ALDH18A1: variants seen among roughly 807,000 people sequenced by gnomAD.
ALDH18A1 encodes the protein aldehyde dehydrogenase 18 family member A1.
Under a neutral mutation model 88.8 loss-of-function variants are expected in ALDH18A1, and 44 were observed. The ratio of observed to expected loss-of-function variants is 0.50; its 90% CI spans 0.39 to 0.64. The LOEUF (loss-of-function observed/expected upper bound fraction) is 0.64, where lower values mean the gene tolerates loss of function less well. ALDH18A1 is among the 30% of genes least tolerant of loss of function. The probability of loss-of-function intolerance (pLI) is 0.00; values close to 1 mark genes in which losing one functional copy is unlikely to be tolerated. For synonymous variants in ALDH18A1, 331 were observed against 372.1 expected (o/e 0.89, Z 1.27); for missense variants, 782 against 1,009.5 (o/e 0.77, Z 3.05).
At chr10:95,626,968 C>A (rs928783333) in intron 9 of ALDH18A1, among the ~76,000 whole-genome samples, 192 bp from the exon 10 acceptor site, 1 of 152,174 alleles carries the variant, frequency 6.6e-6, no homozygotes, top group African/African-American at 2.4e-5. Context: ...GTGCCAGATT[C>A]ACTCAGGTAT....
chr10:95,650,538 T>C (rs2139662098), intron 2 of ALDH18A1, among the ~76,000 whole-genome samples: 1 of 152,322 alleles, frequency 6.6e-6, no homozygotes, highest in East Asian at 1.9e-4. Context: ...GACATGGTTG[T>C]TAAAAAGAGC....
chr10:95,609,442 G>A lies in ALDH18A1; in HGVS notation c.2206+755C>T, dbSNP rs894328597. Reference sequence around the variant, plus strand: ...GGCAACCTGGCTGTGCCATTTTGACGAAATAAGTCTGTAAAAGGAGTGCTC... The same window carrying A: ...GGCAACCTGGCTGTGCCATTTTGACAAAATAAGTCTGTAAAAGGAGTGCTC... On this transcript the variant is annotated intron_variant, in intron 17 of 17. Transcript: ENST00000371224. Among the ~76,000 whole-genome samples, 13 of 152,322 alleles carry A rather than the reference G, an allele frequency of 8.5e-5. No homozygotes were observed. In the South Asian group the frequency reaches 1.9e-3, roughly 22 times the overall value.
At chr10:95,650,483 C>T (rs983918889) in intron 2 of ALDH18A1, among the ~76,000 whole-genome samples, 1 of 152,172 alleles carries the variant, frequency 6.6e-6, no homozygotes, top group African/African-American at 2.4e-5. Flanking sequence ...AGCCTGGTGC[C>T]AGTCTCAGAG....
chr10:95,632,948 T>C lies in ALDH18A1; in HGVS notation c.808+11A>G. Reference sequence around the variant, plus strand: ...AAAGGGCAGATAAAGGAAAAAAGCATTACTTTGTACCTTCTACATCTGAAA... The same window carrying C: ...AAAGGGCAGATAAAGGAAAAAAGCACTACTTTGTACCTTCTACATCTGAAA... On this transcript the variant is annotated intron_variant, in intron 7 of 17. Transcript: ENST00000371224. The C allele has an allele frequency of 6.2e-7, 1 of 1,610,884 alleles. No homozygotes were observed. The highest frequency in any genetic ancestry group is 2.2e-5 in the East Asian group (1 of 44,866).
intron 3 of ALDH18A1, 141 bp from the exon 4 acceptor site, chr10:95,637,577 A>G: frequency 5.1e-6 from 5 of 975,878 alleles, no homozygotes; most frequent in Non-Finnish European, 6.1e-6. Flanking sequence ...CTCTGGAAGA[A>G]TCAGCCAGAT....
intron 17 of ALDH18A1, among the ~76,000 whole-genome samples, chr10:95,609,110 G>T (rs1196691288): frequency 1.3e-5 from 2 of 152,076 alleles, no homozygotes; most frequent in East Asian, 3.9e-4. Flanking sequence ...CCCGGCCTCA[G>T]GTGATCTGCC....
In ALDH18A1 at chr10:95,627,427, T is replaced by C. The variant is rs942119364; in HGVS notation, c.1078+15A>G. ...TCCCATCACAGGCCTTGGGACCTTATGAAGAACTATTTACCTGCAGGCTTT... is the reference window on the plus strand; with the variant it reads ...TCCCATCACAGGCCTTGGGACCTTACGAAGAACTATTTACCTGCAGGCTTT... On this transcript the variant is annotated intron_variant, in intron 9 of 17. Coordinates refer to ENST00000371224, the MANE Select transcript of ALDH18A1 (RefSeq NM_002860.4). 3.1e-6 allele frequency: 5 copies of C among 1,614,106 alleles called. No homozygotes were observed. The highest frequency in any genetic ancestry group is 4.2e-6 in the Non-Finnish European group (5 of 1,179,922).
chr10:95,621,177 G>A lies in ALDH18A1; in HGVS notation c.1321C>T (p.Arg441Ter), dbSNP rs145289559. Residue 441 changes from arginine (R) to a stop codon, truncating the protein, a stop_gained, in exon 12 of 18, where the codon CGA (arginine) becomes TGA (stop). Transcript: ENST00000371224. LOFTEE classifies it high-confidence loss of function. The part of the protein sequence containing the change: ...SKLNSLAIGL[R>*]QIAASSQDSV... ...TCCTGGGAGGAGGCTGCGATCTGTCGCAGACCGATGGCCAGGCTGTTCAAT... is the reference window on the plus strand; with the variant it reads ...TCCTGGGAGGAGGCTGCGATCTGTCACAGACCGATGGCCAGGCTGTTCAAT... 40 of 1,614,106 alleles carry A rather than the reference G, an allele frequency of 2.5e-5. No individual in the cohort carries two copies. Among genetic ancestry groups the A allele is most frequent in the East Asian group, 4.5e-5 (2 of 44,872 alleles).
At chr10:95,641,714 T>C (rs1048232825) in intron 3 of ALDH18A1, among the ~76,000 whole-genome samples, 3 of 152,164 alleles carry the variant, frequency 2.0e-5, no homozygotes, top group East Asian at 3.9e-4. Context: ...TCATAGCTCA[T>C]TGCAGCCTCA....
At chr10:95,642,259 T>C (rs2097893143) in intron 3 of ALDH18A1, among the ~76,000 whole-genome samples, 1 of 152,170 alleles carries the variant, frequency 6.6e-6, no homozygotes, top group South Asian at 2.1e-4. Context: ...TTATATATTA[T>C]CTATGGTTGC....
chr10:95,612,580 A>T (rs1392499723), intron 15 of ALDH18A1, among the ~76,000 whole-genome samples: 1 of 152,222 alleles, frequency 6.6e-6, no homozygotes, highest in Non-Finnish European at 1.5e-5. Context: ...TGTGCAAGTC[A>T]TCCTTCTAGC....
At chr10:95,648,320 T>A (rs994438062) in intron 2 of ALDH18A1, among the ~76,000 whole-genome samples, 2 of 150,688 alleles carry the variant, frequency 1.3e-5, no homozygotes, top group African/African-American at 4.9e-5. Flanking sequence ...ATATTCTACC[T>A]TCATCATCAT....
At position 95,611,458 on chromosome 10, in the gene ALDH18A1, T is replaced by C; in HGVS notation, c.1924-16A>G. 6.2e-7 allele frequency: 1 copy of C among 1,613,700 alleles called. No homozygotes were observed. The highest frequency in any genetic ancestry group is 2.2e-5 in the East Asian group (1 of 44,878). ...GAATTTTTACCTGGAACAGAGGAAGTCCAGGGGCAACAACATAAAAACAAC... is the reference window on the plus strand; with the variant it reads ...GAATTTTTACCTGGAACAGAGGAAGCCCAGGGGCAACAACATAAAAACAAC... On this transcript the variant is annotated splice_polypyrimidine_tract_variant and intron_variant, in intron 15 of 17. Coordinates refer to ENST00000371224, the MANE Select transcript of ALDH18A1 (RefSeq NM_002860.4).
chr10:95,647,262 A>G (rs1288531686), intron 2 of ALDH18A1, among the ~76,000 whole-genome samples: 2 of 152,200 alleles, frequency 1.3e-5, no homozygotes, highest in African/African-American at 4.8e-5. Context: ...GTATTCATAC[A>G]CCTTCTACAG....
intron 7 of ALDH18A1, among the ~76,000 whole-genome samples, chr10:95,629,744 C>A (rs2097865349): frequency 1.3e-5 from 2 of 151,894 alleles, no homozygotes; most frequent in African/African-American, 4.8e-5. Flanking sequence ...TTCCCCTTAC[C>A]CCACCAAGAG....
At chr10:95,648,138 T>G (rs964607669) in intron 2 of ALDH18A1, among the ~76,000 whole-genome samples, 1 of 152,148 alleles carries the variant, frequency 6.6e-6, no homozygotes, top group East Asian at 1.9e-4. Context: ...GGGATGATCT[T>G]GAGGGACTGA....
At chr10:95,612,703 A>G (rs187083972) in intron 15 of ALDH18A1, among the ~76,000 whole-genome samples, 1 of 152,308 alleles carries the variant, frequency 6.6e-6, no homozygotes, top group East Asian at 1.9e-4. Flanking sequence ...TTGTGTGTTC[A>G]AATTAGGTCT....
intron 9 of ALDH18A1, 85 bp downstream of exon 9, chr10:95,627,357 A>G (rs568441853): frequency 6.5e-7 from 1 of 1,527,930 alleles, no homozygotes; most frequent in East Asian, 2.3e-5. Flanking sequence ...TCATAATATT[A>G]GCATATCAAT....
chr10:95,617,796 G>A (rs909847538), intron 12 of ALDH18A1, among the ~76,000 whole-genome samples: 1 of 152,216 alleles, frequency 6.6e-6, no homozygotes, highest in African/African-American at 2.4e-5. Context: ...TGGTATGGAT[G>A]AGTGGTAGCA....
Sources: gnomAD v4.1 joint callset for allele counts (sites outside exome capture counted in the v4.1 genomes callset) on GRCh38, gnomAD v4.1.1 for gene constraint, MANE v1.5 for transcripts, NCBI Gene and HGNC (gene_info 2026-07-23, HGNC 2026-07-21) for gene names.